Variants in CHST9 observed in about 807,000 individuals in gnomAD.
The protein encoded by CHST9 is GalNAc-4-sulfotransferase 2.
CHST9 carries 41 observed loss-of-function variants against 44.4 expected under a neutral mutation model. The observed-to-expected ratio is 0.92, with a 90% CI of 0.72 to 1.20. The LOEUF is 1.20. Among genes scored for constraint, CHST9 ranks in the 50% most tolerant of loss-of-function variants. CHST9 has a pLI of 0.00. For synonymous variants in CHST9, 171 were observed against 178.4 expected (o/e 0.96, Z 0.33); for missense variants, 504 against 516.5 (o/e 0.98, Z 0.23).
intron 1 of CHST9, among the ~76,000 whole-genome samples, chr18:27,143,751 G>A (rs1164721752): frequency 6.6e-6 from 1 of 151,772 alleles, no homozygotes; most frequent in Non-Finnish European, 1.5e-5. Context: ...GTGAGAACAC[G>A]TGGATGCAGG....
chr18:27,067,920 A>G (rs2057799220), intron 2 of CHST9, among the ~76,000 whole-genome samples: 1 of 152,110 alleles, frequency 6.6e-6, no homozygotes, highest in Non-Finnish European at 1.5e-5. Flanking sequence ...ATTGCATATC[A>G]TATTACTTTG....
intron 4 of CHST9, among the ~76,000 whole-genome samples, chr18:26,982,569 G>A (rs1362970429): frequency 1.3e-5 from 2 of 152,072 alleles, no homozygotes; most frequent in South Asian, 2.1e-4. Context: ...TACTGGGGAC[G>A]GGGGACACAC....
chr18:26,957,972 C>T (rs915889493), intron 4 of CHST9, among the ~76,000 whole-genome samples: 41 of 151,896 alleles, frequency 2.7e-4, no homozygotes, highest in African/African-American at 8.9e-4. Flanking sequence ...CTACAACCTC[C>T]GCCTCCTGGG....
At chr18:27,032,326 C>T (rs908507629) in intron 3 of CHST9, among the ~76,000 whole-genome samples, 3 of 152,128 alleles carry the variant, frequency 2.0e-5, no homozygotes, top group Non-Finnish European at 2.9e-5. Flanking sequence ...GCTCAAAACA[C>T]ACAGAGACAT....
At chr18:27,010,849 C>T (rs528883008) in intron 4 of CHST9, among the ~76,000 whole-genome samples, 1 of 152,246 alleles carries the variant, frequency 6.6e-6, no homozygotes, top group South Asian at 2.1e-4. Context: ...GCTATAGTCA[C>T]TTGCAGGAAT....
At chr18:27,145,191 TTTTG>T (rs1345713898) in intron 1 of CHST9, among the ~76,000 whole-genome samples, 4 of 152,086 alleles carry the variant, frequency 2.6e-5, no homozygotes, top group Admixed American at 6.5e-5. Flanking sequence ...TGTTTGTTTG[TTTTG>T]TTTATTATTT....
At chr18:27,072,424 T>C (rs2057850866) in intron 2 of CHST9, among the ~76,000 whole-genome samples, 1 of 152,078 alleles carries the variant, frequency 6.6e-6, no homozygotes, top group African/African-American at 2.4e-5. Context: ...ACAGACCATC[T>C]AGTTGCCAAA....
intron 4 of CHST9, among the ~76,000 whole-genome samples, chr18:27,016,761 G>T (rs1381509591): frequency 6.6e-6 from 1 of 152,076 alleles, no homozygotes; most frequent in Non-Finnish European, 1.5e-5. Context: ...TTCTATAGTT[G>T]TGTGTATGTA....
intron 1 of CHST9, among the ~76,000 whole-genome samples, chr18:27,146,751 A>C (rs1193156035): frequency 6.6e-6 from 1 of 152,198 alleles, no homozygotes; most frequent in Non-Finnish European, 1.5e-5. Flanking sequence ...TACTTTTTAT[A>C]GTTGTATTTG....
intron 2 of CHST9, among the ~76,000 whole-genome samples, chr18:27,130,409 T>C (rs535028205): frequency 1.3e-5 from 2 of 152,358 alleles, no homozygotes; most frequent in East Asian, 3.9e-4. Flanking sequence ...ATTTATATCT[T>C]TCCGCTATAA....
At chr18:26,997,781 T>C (rs911653641) in intron 4 of CHST9, among the ~76,000 whole-genome samples, 2 of 152,194 alleles carry the variant, frequency 1.3e-5, no homozygotes, top group African/African-American at 4.8e-5. Flanking sequence ...GTAATATCAC[T>C]GTCTTCAAGG....
chr18:26,949,284 A>G (rs894056685), intron 4 of CHST9, among the ~76,000 whole-genome samples: 5 of 152,182 alleles, frequency 3.3e-5, no homozygotes, highest in African/African-American at 1.2e-4. Flanking sequence ...GAAATACAGG[A>G]GCAAGAAGCA....
chr18:26,983,183 T>C (rs11875210), intron 4 of CHST9, among the ~76,000 whole-genome samples: 4,881 of 152,244 alleles, frequency 0.032, 239 homozygotes, highest in African/African-American at 0.1. Context: ...AAAGTATAGG[T>C]CCTAGACCAG....
chr18:27,056,722 T>C (rs1211750194), intron 2 of CHST9, among the ~76,000 whole-genome samples: 1 of 152,210 alleles, frequency 6.6e-6, no homozygotes, highest in Non-Finnish European at 1.5e-5. Context: ...TTGTCCTTAA[T>C]AGCATATAAT....
At position 27,167,313 on chromosome 18, in the gene CHST9, T is replaced by C. The variant is rs535445007; in HGVS notation, c.-97+17823A>G. On this transcript the variant is annotated intron_variant, in intron 1 of 5. Transcript: ENST00000618847. ...TCTGCCTTTCTAGGTTCTTCATAAATTGGTCACTATACCTCTGCAACCTAA... is the reference window on the plus strand; with the variant it reads ...TCTGCCTTTCTAGGTTCTTCATAAACTGGTCACTATACCTCTGCAACCTAA... Among the ~76,000 whole-genome samples, 12 of 152,288 alleles carry C rather than the reference T, an allele frequency of 7.9e-5. No homozygotes were observed. The South Asian group carries it at 2.1e-3, about 26-fold the overall frequency.
In CHST9 at chr18:27,109,655, G is replaced by T. The variant is rs2058252926; in HGVS notation, c.121+33034C>A. 2.0e-5 allele frequency among the ~76,000 whole-genome samples: 3 copies of T among 152,170 alleles called. 1 individual carries two copies. The South Asian group carries it at 6.2e-4, about 32-fold the overall frequency. The stretch of plus-strand genomic sequence containing the variant: ...GACTGCTCTAGTGCCAGATCTAATT[G>T]GTGCTGACGCCAGCTGCTTGACTCC... On this transcript the variant is annotated intron_variant, in intron 2 of 5. Transcript: ENST00000618847.
At chr18:27,128,506 G>A (rs917083755) in intron 2 of CHST9, among the ~76,000 whole-genome samples, 2 of 152,156 alleles carry the variant, frequency 1.3e-5, no homozygotes, top group African/African-American at 4.8e-5. Context: ...CTGACCCCAT[G>A]ATCCACCCGC....
intron 1 of CHST9, among the ~76,000 whole-genome samples, chr18:27,171,577 A>T (rs1248472518): frequency 6.6e-6 from 1 of 152,182 alleles, no homozygotes; most frequent in Non-Finnish European, 1.5e-5. Context: ...CTTGGTGGGG[A>T]GCATACAGTC....
At chr18:27,153,874 G>T (rs559188238) in intron 1 of CHST9, among the ~76,000 whole-genome samples, 1 of 152,204 alleles carries the variant, frequency 6.6e-6, no homozygotes, top group South Asian at 2.1e-4. Flanking sequence ...ATGGTTATGG[G>T]AAGTAATATT....
Sources: gnomAD v4.1 joint callset for allele counts (sites outside exome capture counted in the v4.1 genomes callset) on GRCh38, gnomAD v4.1.1 for gene constraint, MANE v1.5 for transcripts, NCBI Gene and HGNC (gene_info 2026-07-23, HGNC 2026-07-21) for gene names.